Variants in DYSF observed in about 807,000 individuals in gnomAD.
DYSF encodes the protein dysferlin, also known as dystrophy-associated fer-1-like 1.
A neutral mutation model predicts 274.9 loss-of-function variants in DYSF; 212 were observed. The observed-to-expected ratio is 0.77, with a 90% CI of 0.69 to 0.86. The LOEUF (loss-of-function observed/expected upper bound fraction) is 0.86. DYSF is among the 40% of genes least tolerant of loss of function. DYSF has a pLI of 0.00. For missense variants in DYSF, 2,666 were observed against 2,783.2 expected (o/e 0.96, Z 0.95); for synonymous variants, 1,091 against 1,078.7 (o/e 1.01, Z -0.22).
At chr2:71,534,123 C>T (rs2089050152) in intron 14 of DYSF, among the ~76,000 whole-genome samples, 1 of 152,196 alleles carries the variant, frequency 6.6e-6, no homozygotes, top group South Asian at 2.1e-4. Context: ...GGAATGGAGA[C>T]ATCATCCTCA....
intron 54 of DYSF, among the ~76,000 whole-genome samples, 195 bp downstream of exon 54, chr2:71,681,305 C>T (rs1156354000): frequency 1.3e-5 from 2 of 152,178 alleles, no homozygotes; most frequent in East Asian, 1.9e-4. Context: ...CTGGGCTCAG[C>T]GAATTCAAGA....
At chr2:71,565,767 G>A (rs907875653) in intron 24 of DYSF, among the ~76,000 whole-genome samples, 1 of 152,230 alleles carries the variant, frequency 6.6e-6, no homozygotes, top group Non-Finnish European at 1.5e-5. Context: ...CTTATCATCT[G>A]TAAAATGAGG....
chr2:71,471,404 G>A (rs1646455618), intron 1 of DYSF, among the ~76,000 whole-genome samples: 1 of 152,170 alleles, frequency 6.6e-6, no homozygotes, highest in Non-Finnish European at 1.5e-5. Context: ...GGGGTTGGGG[G>A]CACAGGGTGT....
chr2:71,512,346 T>C (rs2086187342), intron 5 of DYSF, among the ~76,000 whole-genome samples: 1 of 152,228 alleles, frequency 6.6e-6, no homozygotes, highest in Admixed American at 6.5e-5. Context: ...GGTGATGGTG[T>C]GTGACAAAAG....
intron 7 of DYSF, 35 bp from the exon 8 acceptor site, chr2:71,515,588 C>T (rs188557038): frequency 6.2e-7 from 1 of 1,613,926 alleles, no homozygotes; most frequent in Non-Finnish European, 8.5e-7. Context: ...AACTCTTCCC[C>T]CTTCCTCCTG....
At chr2:71,493,570 A>G (rs1033156596) in intron 3 of DYSF, among the ~76,000 whole-genome samples, 14 of 152,174 alleles carry the variant, frequency 9.2e-5, no homozygotes, top group African/African-American at 2.9e-4. Context: ...AAAGGTTTTC[A>G]GCTGGGTGCG....
chr2:71,546,557 T>TA (rs1037698650), intron 17 of DYSF, among the ~76,000 whole-genome samples: 6 of 152,210 alleles, frequency 3.9e-5, no homozygotes, highest in Non-Finnish European at 7.3e-5. Context: ...TTTTGTTTTT[T>TA]AAAAAAGAGT....
At chr2:71,626,106 G>C (rs1403226237) in intron 41 of DYSF, among the ~76,000 whole-genome samples, 1 of 151,772 alleles carries the variant, frequency 6.6e-6, no homozygotes, top group Admixed American at 6.6e-5. Context: ...TAATTCTTCT[G>C]TCTATATTTC....
Position 71,513,896 on chromosome 2 carries a change from T to C in DYSF, c.734T>C (p.Leu245Pro), listed in dbSNP as rs148739795. The part of the protein sequence containing the change: ...KRSAPTSRKL[L>P]SDKPQDFQIR... ...AGTGCGCCTACATCTAGAAAGCTGC[T>C]GTCAGACAAACCGCAGGATTTCCAG... Residue 245 changes from leucine (L) to proline (P), a missense_variant, in exon 7 of 56, where the codon CTG becomes CCG. This residue lies in a region of DYSF where 794 missense variants were observed against 777.1 expected (regional missense o/e 1.02). Transcript: ENST00000410020. 9 of 1,614,074 alleles carry C rather than the reference T, an allele frequency of 5.6e-6. No homozygotes were observed. The highest frequency in any genetic ancestry group is 6.8e-6 in the Non-Finnish European group (8 of 1,180,040).
At chr2:71,658,658 A>T (rs868484400) in intron 43 of DYSF, among the ~76,000 whole-genome samples, 6 of 152,184 alleles carry the variant, frequency 3.9e-5, no homozygotes, top group African/African-American at 1.4e-4. Flanking sequence ...AAAAGCAGAA[A>T]CACCTGATAA....
At chr2:71,664,686 T>A (rs937469044) in intron 46 of DYSF, among the ~76,000 whole-genome samples, 1 of 152,206 alleles carries the variant, frequency 6.6e-6, no homozygotes, top group Non-Finnish European at 1.5e-5. Context: ...CATCACATTG[T>A]TATAATCCAG....
intron 1 of DYSF, among the ~76,000 whole-genome samples, chr2:71,454,705 G>A (rs1406018551): frequency 2.0e-5 from 3 of 152,240 alleles, no homozygotes; most frequent in Non-Finnish European, 4.4e-5. Flanking sequence ...AGTGGGTGGA[G>A]GGAGCGGGGG....
chr2:71,557,335 C>T (rs1460579339), intron 22 of DYSF, among the ~76,000 whole-genome samples: 1 of 152,188 alleles, frequency 6.6e-6, no homozygotes. Context: ...AGGAGTTAGC[C>T]TTTGGAGAGG....
chr2:71,609,864 G>A (rs1219354273), intron 36 of DYSF, among the ~76,000 whole-genome samples: 1 of 152,164 alleles, frequency 6.6e-6, no homozygotes, highest in Non-Finnish European at 1.5e-5. Flanking sequence ...CGTCTGTATG[G>A]ATGTACCATC....
At chr2:71,500,549 G>A (rs1190646871) in intron 3 of DYSF, among the ~76,000 whole-genome samples, 1 of 152,140 alleles carries the variant, frequency 6.6e-6, no homozygotes, top group African/African-American at 2.4e-5. Context: ...CAGGCTGGCA[G>A]GGGTGGGGGT....
At chr2:71,591,657 ACTGT>A (rs1193503907) in intron 32 of DYSF, among the ~76,000 whole-genome samples, 1 of 152,264 alleles carries the variant, frequency 6.6e-6, no homozygotes, top group Non-Finnish European at 1.5e-5. Context: ...CAAGGCTATC[ACTGT>A]CTGAGTGCCT....
In DYSF at chr2:71,595,324, C is replaced by G. The variant is rs531438584; in HGVS notation, c.3575-3240C>G. Among the ~76,000 whole-genome samples the G allele has an allele frequency of 3.8e-3, 573 of 152,260 alleles. 8 individuals carry two copies. The highest frequency in any genetic ancestry group is 6.6e-3 in the Non-Finnish European group (449 of 68,016). On this transcript the variant is annotated intron_variant, in intron 32 of 55. Coordinates refer to ENST00000410020, the MANE Select transcript of DYSF (RefSeq NM_001130987.2). ...CTTGATTATTGGCAGGCGATCCCACCCTCTCTGAAGGGCCCTTTCCTATGA... is the reference window on the plus strand; with the variant it reads ...CTTGATTATTGGCAGGCGATCCCACGCTCTCTGAAGGGCCCTTTCCTATGA...
Position 71,602,756 on chromosome 2 carries a change from A to AT in DYSF, c.3928-19dup, listed in dbSNP as rs773608117. 6.2e-7 allele frequency: 1 copy of AT among 1,612,494 alleles called. No homozygotes were observed. Among genetic ancestry groups the AT allele is most frequent in the East Asian group, 2.2e-5 (1 of 44,858 alleles). ...TCTCACCATCTCCTGGATGTGCCACATCCCATGGCTGTGGGCCAGGTGCAG... is the reference window on the plus strand; with the variant it reads ...TCTCACCATCTCCTGGATGTGCCACATTCCCATGGCTGTGGGCCAGGTGCAG... On this transcript the variant is annotated intron_variant, in intron 35 of 55. Transcript: ENST00000410020.
intron 12 of DYSF, among the ~76,000 whole-genome samples, chr2:71,523,930 G>C (rs2087584255): frequency 6.6e-6 from 1 of 152,122 alleles, no homozygotes; most frequent in African/African-American, 2.4e-5. Flanking sequence ...TTTTAGGATA[G>C]AGTCCAAGAT....
Sources: allele counts gnomAD v4.1 joint callset (sites outside exome capture counted in the v4.1 genomes callset), GRCh38; gene constraint gnomAD v4.1.1; regional missense constraint gnomAD v4.1.1; transcripts MANE v1.5; gene names NCBI Gene and HGNC (gene_info 2026-07-23, HGNC 2026-07-21).